Variants in MAN2B2 observed in about 807,000 individuals in gnomAD.
The protein encoded by MAN2B2 is mannosidase alpha class 2B member 2, also known as epididymis-specific alpha-mannosidase.
Under a neutral mutation model 117.1 loss-of-function variants are expected in MAN2B2, and 106 were observed. The ratio of observed to expected loss-of-function variants is 0.90; its 90% CI spans 0.77 to 1.06. The LOEUF is 1.06. Among genes scored for constraint, MAN2B2 ranks in the 50% least tolerant of loss-of-function variants. The pLI is 0.00. For missense variants in MAN2B2, 1,326 were observed against 1,381.4 expected (o/e 0.96, Z 0.64); for synonymous variants, 544 against 595.1 (o/e 0.91, Z 1.25).
chr4:6,617,233 G>T (rs1711922804), intron 16 of MAN2B2, 147 bp from the exon 17 acceptor site: 2 of 611,498 alleles, frequency 3.3e-6, no homozygotes, highest in Non-Finnish European at 5.8e-6. Flanking sequence ...AATTCACGAT[G>T]AGATTTGGTT....
At chr4:6,579,502 CCAT>C (rs370670788) in intron 3 of MAN2B2, among the ~76,000 whole-genome samples, 9 of 150,978 alleles carry the variant, frequency 6.0e-5, no homozygotes, top group African/African-American at 9.7e-5. Flanking sequence ...ATCACCACCA[CCAT>C]CATAACTACC....
rs149128378 is a variant in MAN2B2 at position 6,597,236 on chromosome 4, C to T, written c.1181C>T (p.Pro394Leu). ...SMFTRYLWPA[P>L]RGHLDPTWAL... is the part of the protein sequence containing the mutation. ...TTCACACGCTACCTGTGGCCGGCCC[C>T]CCGTGGGCATCTGGACCCCACCTGG... The change falls in exon 8 of 19, where the codon CCC (proline) becomes CTC (leucine). Residue 394 changes from proline (P) to leucine (L), a missense_variant. Physicochemically the swap from Pro to Leu is moderately conservative, Grantham distance 98. Transcript: ENST00000285599. 11 of 1,604,970 alleles carry T rather than the reference C, an allele frequency of 6.9e-6. No homozygotes were observed. The African/African-American group carries it at 1.3e-4, about 20-fold the overall frequency.
At position 6,614,219 on chromosome 4, in the gene MAN2B2, G is replaced by A. The variant is rs368474292; in HGVS notation, c.2565G>A (p.Gly855=). 12 of 1,614,028 alleles carry A rather than the reference G, an allele frequency of 7.4e-6. No individual in the cohort carries two copies. Among genetic ancestry groups the A allele is most frequent in the South Asian group, 3.3e-5 (3 of 91,062 alleles). ...TCACTCTGTCCATCTGCCTTGCAGGGACTGCGCCGAAGCTCCCAGGACCCC... is the reference window on the plus strand; with the variant it reads ...TCACTCTGTCCATCTGCCTTGCAGGAACTGCGCCGAAGCTCCCAGGACCCC... ...RPVVLFGDLA[G]TAPKLPGPQQ... is the part of the protein sequence containing the mutation. Residue 855 remains glycine (G), a splice_region_variant and synonymous_variant, in exon 16 of 19, where the codon GGG becomes GGA. Coordinates refer to ENST00000285599, the MANE Select transcript of MAN2B2 (RefSeq NM_015274.3).
chr4:6,575,479 G>C, intron 1 of MAN2B2, 131 bp downstream of exon 1: 1 of 601,168 alleles, frequency 1.7e-6, no homozygotes, highest in Non-Finnish European at 2.7e-6. Context: ...AGGACCCCAC[G>C]CTGCCATTGA....
In MAN2B2 at chr4:6,609,127, G is replaced by A. The variant is rs375350713; in HGVS notation, c.1835G>A (p.Arg612His). The change falls in exon 12 of 19, where the codon CGC becomes CAC. Residue 612 changes from arginine to histidine, a missense_variant. By Grantham distance (29) the Arg-to-His change is conservative. Coordinates refer to ENST00000285599, the MANE Select transcript of MAN2B2 (RefSeq NM_015274.3). ...IWERQSNRTV[R>H]VTQEFLEYHV... is the part of the protein sequence containing the mutation. ...TGCAGACAGAGTAACCGAACGGTGCGCGTGACCCAGGAATTCCTGGAGTAC... is the reference window on the plus strand; with the variant it reads ...TGCAGACAGAGTAACCGAACGGTGCACGTGACCCAGGAATTCCTGGAGTAC... 4.7e-5 allele frequency: 76 copies of A among 1,613,950 alleles called. No individual in the cohort carries two copies. The highest frequency in any genetic ancestry group is 5.8e-5 in the Non-Finnish European group (68 of 1,179,972).
intron 9 of MAN2B2, among the ~76,000 whole-genome samples, chr4:6,598,739 G>A (rs772863123): frequency 2.0e-5 from 3 of 152,188 alleles, no homozygotes; most frequent in Non-Finnish European, 2.9e-5. Flanking sequence ...AGGGCCACTC[G>A]GGTAGGAAGG....
intron 12 of MAN2B2, 84 bp from the exon 13 acceptor site, chr4:6,609,714 T>C: frequency 6.2e-5 from 35 of 561,322 alleles, no homozygotes; most frequent in Non-Finnish European, 8.4e-5. Flanking sequence ...CTGCCCACCC[T>C]GCCCACATGA....
Position 6,621,454 on chromosome 4 carries a change from T to A in MAN2B2, c.*169T>A. On this transcript the variant is annotated 3_prime_UTR_variant, in exon 19 of 19. Transcript: ENST00000285599. ...ATTTGGGGTTTTTCCCTAATTTTTT[T>A]AAACAAAAATTACATTACAAGATCC... is the stretch of plus-strand genomic sequence containing the variant. 1 of 575,170 alleles carries A rather than the reference T, an allele frequency of 1.7e-6. No homozygotes were observed. Among genetic ancestry groups the A allele is most frequent in the Non-Finnish European group, 3.1e-6 (1 of 327,800 alleles). The allele number at this position is 575,170 out of a possible 1,614,324, so 35.6% of individuals were successfully genotyped here.
intron 11 of MAN2B2, among the ~76,000 whole-genome samples, chr4:6,607,508 A>C (rs901696488): frequency 6.6e-6 from 1 of 152,166 alleles, no homozygotes; most frequent in Non-Finnish European, 1.5e-5. Flanking sequence ...CCCAACCCAC[A>C]ACCCACTTAG....
At chr4:6,587,504 G>A (rs1013449748) in intron 4 of MAN2B2, among the ~76,000 whole-genome samples, 3 of 152,150 alleles carry the variant, frequency 2.0e-5, no homozygotes, top group African/African-American at 7.2e-5. Flanking sequence ...CAGTAAGCAG[G>A]GGTGACAACT....
At chr4:6,580,685 C>A (rs1726392536) in intron 3 of MAN2B2, among the ~76,000 whole-genome samples, 1 of 152,180 alleles carries the variant, frequency 6.6e-6, no homozygotes, top group Non-Finnish European at 1.5e-5. Flanking sequence ...TCAAGATGCC[C>A]CTGGCAGGGA....
chr4:6,598,462 C>T (rs1487166110), intron 9 of MAN2B2, 108 bp downstream of exon 9: 3 of 1,183,096 alleles, frequency 2.5e-6, no homozygotes, highest in Admixed American at 2.6e-5. Context: ...GTCCACATCA[C>T]CCATATCGCC....
intron 7 of MAN2B2, among the ~76,000 whole-genome samples, chr4:6,595,303 G>C (rs1033748468): frequency 6.6e-6 from 1 of 152,188 alleles, no homozygotes; most frequent in Non-Finnish European, 1.5e-5. Context: ...GTGGTGCCTC[G>C]TGCATAGATA....
intron 15 of MAN2B2, 48 bp from the exon 16 acceptor site, chr4:6,614,170 G>A: frequency 6.3e-7 from 1 of 1,595,326 alleles, no homozygotes; most frequent in South Asian, 1.1e-5. Flanking sequence ...GCCAGGAGGA[G>A]GAGTTGAGCC....
chr4:6,594,643 C>G lies in MAN2B2; in HGVS notation c.968C>G (p.Ala323Gly), dbSNP rs1318797390. Residue 323 changes from alanine to glycine, a missense_variant, in exon 7 of 19, where the codon GCC becomes GGC. Coordinates refer to ENST00000285599, the MANE Select transcript of MAN2B2 (RefSeq NM_015274.3). ...AAELGVSVQY[A>G]TLGDYFRALH... ...GAGCTCGGTGTCTCGGTGCAGTATG[C>G]CACGCTGGGCGACTACTTCCGTGCC... The G allele has an allele frequency of 1.2e-6, 2 of 1,613,528 alleles. No individual in the cohort carries two copies. Among genetic ancestry groups the G allele is most frequent in the Non-Finnish European group, 1.7e-6 (2 of 1,180,016 alleles).
intron 3 of MAN2B2, among the ~76,000 whole-genome samples, chr4:6,582,642 C>CT (rs746055329): frequency 1.3e-5 from 2 of 152,022 alleles, no homozygotes; most frequent in Non-Finnish European, 2.9e-5. Flanking sequence ...GCCCGGCCCC[C>CT]AGCAGTATTG....
Position 6,575,207 on chromosome 4 carries a change from A to G in MAN2B2, c.-4A>G. ...GCCTGGCACCTTCCCGGCCTGCCGC[A>G]GGGATGGGGCAGCTGTGCTGGCTGC... On this transcript the variant is annotated 5_prime_UTR_variant, in exon 1 of 19. Transcript: ENST00000285599. 2 of 1,438,190 alleles carry G rather than the reference A, an allele frequency of 1.4e-6. No individual in the cohort carries two copies. Among genetic ancestry groups the G allele is most frequent in the East Asian group, 2.6e-5 (1 of 39,124 alleles). The allele number at this position is 1,438,190 out of a possible 1,614,324, so 89.1% of individuals were successfully genotyped here.
In MAN2B2 at chr4:6,609,966, C is replaced by G; in HGVS notation, c.2175C>G (p.Ser725Arg). ...AVLRTSTNLN[S>R]QQVIYSDNNG... The stretch of plus-strand genomic sequence containing the variant: ...TGAGGACCAGCACCAACCTAAACAG[C>G]CAGCAGGTCATCTACTCAGACAACA... The change falls in exon 13 of 19, where the codon AGC (serine) becomes AGG (arginine). Residue 725 changes from serine (S) to arginine (R), a missense_variant. Physicochemically the swap from Ser to Arg is moderately radical, Grantham distance 110. Transcript: ENST00000285599. The G allele has an allele frequency of 6.2e-7, 1 of 1,614,190 alleles. No individual in the cohort carries two copies. Among genetic ancestry groups the G allele is most frequent in the Non-Finnish European group, 8.5e-7 (1 of 1,180,032 alleles).
At chr4:6,604,183 G>A (rs1053242822) in intron 10 of MAN2B2, among the ~76,000 whole-genome samples, 4 of 152,202 alleles carry the variant, frequency 2.6e-5, no homozygotes, top group Non-Finnish European at 5.9e-5. Flanking sequence ...AAGGGCCAGA[G>A]GACAGAGTAA....
Sources: allele counts gnomAD v4.1 joint callset (sites outside exome capture counted in the v4.1 genomes callset), GRCh38; gene constraint gnomAD v4.1.1; transcripts MANE v1.5; gene names NCBI Gene and HGNC (gene_info 2026-07-23, HGNC 2026-07-21).